The following ZSCAN21 variants were observed in gnomAD, a reference collection of about 807,000 sequenced individuals.
ZSCAN21 encodes zinc finger and SCAN domain containing 21.
In ZSCAN21, 26 loss-of-function variants were observed where a neutral mutation model predicts 35.6. The ratio of observed to expected loss-of-function variants is 0.73; its 90% CI spans 0.54 to 1.01. ZSCAN21 has a LOEUF of 1.01. Among genes scored for constraint, ZSCAN21 ranks in the 50% least tolerant of loss-of-function variants. ZSCAN21 has a pLI of 0.00. For missense variants in ZSCAN21, 593 were observed against 587.1 expected (o/e 1.01, Z -0.10); for synonymous variants, 219 against 219.3 (o/e 1.00, Z 0.01).
At position 100,053,363 on chromosome 7, in the gene ZSCAN21, G is replaced by A. The variant is rs1791955438; in HGVS notation, c.-97+3522G>A. Among the ~76,000 whole-genome samples the A allele has an allele frequency of 2.0e-5, 3 of 151,928 alleles. No homozygotes were observed. In the South Asian group the frequency reaches 6.2e-4, roughly 32 times the overall value. On this transcript the variant is annotated intron_variant, in intron 1 of 3. Transcript: ENST00000292450. Reference sequence around the variant, plus strand: ...TGTGTGATGCCAGCAGGTGCTGCATGACTCCCTGGTGAATTGCCTTGTTTC... The same window carrying A: ...TGTGTGATGCCAGCAGGTGCTGCATAACTCCCTGGTGAATTGCCTTGTTTC...
intron 1 of ZSCAN21, among the ~76,000 whole-genome samples, chr7:100,053,547 T>TACATACATACATACATAA: frequency 5.4e-5 from 1 of 18,656 alleles, no homozygotes; most frequent in African/African-American, 1.5e-4. Context: ...ACATACATAA[T>TACATACATACATACATAA]TTTTTTTTTT....
chr7:100,056,468 A>AT (rs67965281), intron 1 of ZSCAN21, among the ~76,000 whole-genome samples: 41,837 of 147,516 alleles, frequency 0.28, 5,815 homozygotes, highest in East Asian at 0.41. Flanking sequence ...TTGCAGAAAG[A>AT]TTTTTTTTTT....
At chr7:100,053,744 C>G (rs68038211) in intron 1 of ZSCAN21, among the ~76,000 whole-genome samples, 41,252 of 151,422 alleles carry the variant, frequency 0.27, 6,638 homozygotes, top group Middle Eastern at 0.48. Flanking sequence ...GAGACTGTAA[C>G]TTGTAATTTT....
chr7:100,057,769 C>T lies in ZSCAN21; in HGVS notation c.471C>T (p.Ser157=). The part of the protein sequence containing the change: ...KISSSGTAKE[S]PSSMQPQPLE... ...CCTCCTCAGGAACTGCAAAGGAATC[C>T]CCGAGCAGCATGCAGCCACAGCCCT... Residue 157 remains serine (S), a synonymous_variant, in exon 3 of 4, where the codon TCC becomes TCT. Coordinates refer to ENST00000292450, the MANE Select transcript of ZSCAN21 (RefSeq NM_145914.3). 3 of 1,614,028 alleles carry T rather than the reference C, an allele frequency of 1.9e-6. No homozygotes were observed. The highest frequency in any genetic ancestry group is 1.1e-5 in the South Asian group (1 of 91,074).
chr7:100,064,832 A>T lies in ZSCAN21; in HGVS notation c.*215A>T, dbSNP rs1584393189. The T allele has an allele frequency of 6.2e-7, 1 of 1,614,214 alleles. No homozygotes were observed. The highest frequency in any genetic ancestry group is 1.7e-5 in the Admixed American group (1 of 60,008). On this transcript the variant is annotated 3_prime_UTR_variant, in exon 4 of 4. Transcript: ENST00000292450. ...TCCACACTCGCCAGTTCACTGGAGC[A>T]GAGTCCCTTCGCCACACTTAGGGTC...
Position 100,064,454 on chromosome 7 carries a change from A to T in ZSCAN21, c.1259A>T (p.Glu420Val), listed in dbSNP as rs1562851838. 6.2e-7 allele frequency: 1 copy of T among 1,614,078 alleles called. No homozygotes were observed. Among genetic ancestry groups the T allele is most frequent in the East Asian group, 2.2e-5 (1 of 44,888 alleles). Reference sequence around the variant, plus strand: ...GGAGAGAAGCCATATAAGTGTAAGGAGTGTGGGAAAGCCTTCAACCACAGC... The same window carrying T: ...GGAGAGAAGCCATATAAGTGTAAGGTGTGTGGGAAAGCCTTCAACCACAGC... ...HTGEKPYKCK[E>V]CGKAFNHSSN... Residue 420 changes from glutamate to valine, a missense_variant, in exon 4 of 4, where the codon GAG becomes GTG. Transcript: ENST00000292450.
Position 100,055,724 on chromosome 7 carries a change from T to G in ZSCAN21, c.-96-1187T>G, listed in dbSNP as rs75221296. Among the ~76,000 whole-genome samples the G allele has an allele frequency of 3.9e-3, 584 of 150,140 alleles. 9 individuals carry two copies. Among genetic ancestry groups the G allele is most frequent in the African/African-American group, 0.014 (555 of 40,622 alleles). On this transcript the variant is annotated intron_variant, in intron 1 of 3. Coordinates refer to ENST00000292450, the MANE Select transcript of ZSCAN21 (RefSeq NM_145914.3). Reference sequence around the variant, plus strand: ...GGCGCGATCTCTGTTCACTGCAAGCTCCACGTCCCTGGTTCAGGCCATTCT... The same window carrying G: ...GGCGCGATCTCTGTTCACTGCAAGCGCCACGTCCCTGGTTCAGGCCATTCT...
chr7:100,053,889 A>C (rs1040805492), intron 1 of ZSCAN21, among the ~76,000 whole-genome samples: 6 of 152,034 alleles, frequency 3.9e-5, no homozygotes, highest in Admixed American at 3.9e-4. Context: ...CCAAGATACT[A>C]GGTATGGCCC....
chr7:100,054,912 G>A (rs1190640469), intron 1 of ZSCAN21, among the ~76,000 whole-genome samples: 5 of 146,888 alleles, frequency 3.4e-5, no homozygotes, highest in Non-Finnish European at 7.5e-5. Flanking sequence ...CAGAATGTTA[G>A]CACTAAAGTC....
rs751776331 is a variant in ZSCAN21, at chr7:100,064,457, G to A, written c.1262G>A (p.Cys421Tyr). The change falls in exon 4 of 4, where the codon TGT (cysteine) becomes TAT (tyrosine). Residue 421 changes from cysteine to tyrosine, a missense_variant. Cys to Tyr is a radical substitution (Grantham distance 194, BLOSUM62 -2). Transcript: ENST00000292450. ...GAGAAGCCATATAAGTGTAAGGAGT[G>A]TGGGAAAGCCTTCAACCACAGCTCC... ...TGEKPYKCKE[C>Y]GKAFNHSSNF... 20 of 1,613,944 alleles carry A rather than the reference G, an allele frequency of 1.2e-5. No homozygotes were observed. Among genetic ancestry groups the A allele is most frequent in the Non-Finnish European group, 1.5e-5 (18 of 1,180,024 alleles).
chr7:100,058,007 G>A, intron 3 of ZSCAN21, 117 bp downstream of exon 3: 2 of 993,664 alleles, frequency 2.0e-6, no homozygotes, highest in Non-Finnish European at 2.8e-6. Flanking sequence ...GATTAGTTGG[G>A]CTGACTGGGT....
intron 3 of ZSCAN21, among the ~76,000 whole-genome samples, chr7:100,060,614 C>A (rs1440849932): frequency 6.6e-6 from 1 of 150,966 alleles, no homozygotes; most frequent in East Asian, 2.0e-4. Context: ...CGCCTGTAAT[C>A]CCAACACTTC....
rs1792541367 is a variant in ZSCAN21, at chr7:100,064,598, G to C, written c.1403G>C (p.Gly468Ala). ...TCCAAACATCAGCGAGTCCACACTG[G>C]AGAGGGAGAAGCACCGTAACTTTCA... ...NLSKHQRVHT[G>A]EGEAP Residue 468 changes from glycine to alanine, a missense_variant, in exon 4 of 4, where the codon GGA (glycine) becomes GCA (alanine). Physicochemically the swap from Gly to Ala is moderately conservative, Grantham distance 60. Coordinates refer to ENST00000292450, the MANE Select transcript of ZSCAN21 (RefSeq NM_145914.3). 1 of 1,613,898 alleles carries C rather than the reference G, an allele frequency of 6.2e-7. No homozygotes were observed. Among genetic ancestry groups the C allele is most frequent in the African/African-American group, 1.3e-5 (1 of 75,032 alleles).
At chr7:100,059,753 A>G (rs745722687) in intron 3 of ZSCAN21, among the ~76,000 whole-genome samples, 1 of 151,840 alleles carries the variant, frequency 6.6e-6, no homozygotes, top group Non-Finnish European at 1.5e-5. Context: ...CTTGTTGCCC[A>G]GGCTGGAGTG....
intron 3 of ZSCAN21, among the ~76,000 whole-genome samples, chr7:100,058,797 T>C (rs959628588): frequency 8.5e-5 from 13 of 152,064 alleles, no homozygotes; most frequent in African/African-American, 2.9e-4. Context: ...GCAGCCTCAA[T>C]CTCTGGGGCT....
At chr7:100,050,270 G>C (rs890209215) in intron 1 of ZSCAN21, among the ~76,000 whole-genome samples, 1 of 152,160 alleles carries the variant, frequency 6.6e-6, no homozygotes, top group Non-Finnish European at 1.5e-5. Context: ...CTCATTAGAA[G>C]TGTTGGGTAG....
At chr7:100,063,348 A>G (rs940944142) in intron 3 of ZSCAN21, among the ~76,000 whole-genome samples, 6 of 152,312 alleles carry the variant, frequency 3.9e-5, no homozygotes, top group African/African-American at 1.4e-4. Flanking sequence ...CTATAATCCC[A>G]GCACTCTGGG....
intron 1 of ZSCAN21, among the ~76,000 whole-genome samples, chr7:100,051,282 C>CTTTTTTTTTTT (rs1164734568): frequency 0.02 from 684 of 34,982 alleles, 244 homozygotes; most frequent in East Asian, 0.067. Context: ...TAGGGATTTT[C>CTTTTTTTTTTT]TTTTTTTTTT....
In ZSCAN21 at chr7:100,063,802, A is replaced by T; in HGVS notation, c.607A>T (p.Thr203Ser). ...TATTGTTTCAGATTGCAGATTGAGT[A>T]CCCAGCACGAGGAATCAGCAGATGA... ...PRKVRDCRLS[T>S]QHEESADEQK... Residue 203 changes from threonine (T) to serine (S), a missense_variant, in exon 4 of 4, where the codon ACC (threonine) becomes TCC (serine). By Grantham distance (58) the Thr-to-Ser change is moderately conservative. Coordinates refer to ENST00000292450, the MANE Select transcript of ZSCAN21 (RefSeq NM_145914.3). 1 of 1,608,960 alleles carries T rather than the reference A, an allele frequency of 6.2e-7. No homozygotes were observed. Among genetic ancestry groups the T allele is most frequent in the Non-Finnish European group, 8.5e-7 (1 of 1,178,166 alleles).
Sources: allele counts gnomAD v4.1 joint callset (sites outside exome capture counted in the v4.1 genomes callset), GRCh38; gene constraint gnomAD v4.1.1; transcripts MANE v1.5; gene names NCBI Gene and HGNC (gene_info 2026-07-23, HGNC 2026-07-21).